Variants in DAZAP1 observed in about 807,000 individuals in gnomAD.
The protein encoded by DAZAP1 is DAZ-associated protein 1.
In DAZAP1, 6 loss-of-function variants were observed where a neutral mutation model predicts 60.1. The observed-to-expected ratio is 0.10, with a 90% CI of 0.05 to 0.20. The LOEUF (loss-of-function observed/expected upper bound fraction) is 0.20, where lower values mean the gene tolerates loss of function less well. Among genes scored for constraint, DAZAP1 ranks in the 10% least tolerant of loss-of-function variants. The pLI, the probability that DAZAP1 is intolerant of heterozygous loss-of-function variation, is 1.00. For missense variants in DAZAP1, 366 were observed against 560.4 expected (o/e 0.65, Z 3.50); for synonymous variants, 235 against 215.9 (o/e 1.09, Z -0.78).
intron 1 of DAZAP1, among the ~76,000 whole-genome samples, chr19:1,413,678 T>TGTCA (rs1473276365): frequency 2.6e-5 from 4 of 152,218 alleles, no homozygotes; most frequent in Non-Finnish European, 5.9e-5. Flanking sequence ...GCCTCACGCC[T>TGTCA]GTCATCCTAG....
At chr19:1,427,690 A>G (rs1169411447) in intron 7 of DAZAP1, 3 of 152,248 alleles carry the variant, frequency 2.0e-5, no homozygotes, top group African/African-American at 7.2e-5. Flanking sequence ...GTTCTTTGAA[A>G]TGGGTCCCTT....
In DAZAP1 at chr19:1,428,729, G is replaced by A; in HGVS notation, c.547-113G>A. On this transcript the variant is annotated intron_variant, in intron 7 of 11. Transcript: ENST00000233078. This position sits in a 1 kb window ranked among gnomAD's most constrained non-coding sequence, Gnocchi z 4.0. ...AATAAGGTTTATAGTTAAGTATTTA[G>A]TCTTAAGTTGTAAGATGCTAAGTGT... 7.9e-7 allele frequency: 1 copy of A among 1,270,380 alleles called. No homozygotes were observed. Among genetic ancestry groups the A allele is most frequent in the East Asian group, 2.4e-5 (1 of 41,564 alleles). 78.7% of individuals were successfully genotyped at this position (1,270,380 alleles called of 1,614,324 possible).
At chr19:1,412,945 A>T (rs1301059433) in intron 1 of DAZAP1, among the ~76,000 whole-genome samples, 5 of 152,082 alleles carry the variant, frequency 3.3e-5, no homozygotes, top group Admixed American at 6.5e-5. Context: ...ACTAATGAGA[A>T]CACCCCTTTT....
Position 1,421,131 on chromosome 19 carries a change from C to T in DAZAP1, c.304-17C>T. The T allele has an allele frequency of 6.2e-7, 1 of 1,610,946 alleles. No individual in the cohort carries two copies. The highest frequency in any genetic ancestry group is 8.5e-7 in the Non-Finnish European group (1 of 1,177,136). On this transcript the variant is annotated splice_polypyrimidine_tract_variant and intron_variant, in intron 4 of 11. Coordinates refer to ENST00000233078, the MANE Select transcript of DAZAP1 (RefSeq NM_018959.4). ...AGGGTTCCCGTGTGAACTAACTATC[C>T]TTCCCTTCTTCAACAGCAGAAAGGA...
chr19:1,415,478 A>G (rs1175198337), intron 1 of DAZAP1, among the ~76,000 whole-genome samples: 1 of 145,932 alleles, frequency 6.9e-6, no homozygotes, highest in Non-Finnish European at 1.5e-5. Context: ...GGTTCCAGCC[A>G]GGCTTGGGGG....
intron 4 of DAZAP1, among the ~76,000 whole-genome samples, chr19:1,419,626 T>C (rs939516570): frequency 2.0e-5 from 3 of 152,188 alleles, no homozygotes; most frequent in African/African-American, 7.2e-5. Flanking sequence ...TTTTTCAGAC[T>C]GGAATCCAAG....
Position 1,434,578 on chromosome 19 carries a change from T to TC in DAZAP1, c.1049-155dup. ...GGGAGAGAACATGCCCGGGGTCCTC[T>TC]CCCCGGCCCAGGTGCTGGCCTCAGA... On this transcript the variant is annotated intron_variant, in intron 11 of 11. Coordinates refer to ENST00000233078, the MANE Select transcript of DAZAP1 (RefSeq NM_018959.4). This position sits in a 1 kb window ranked among gnomAD's most constrained non-coding sequence, Gnocchi z 8.0. 1.5e-6 allele frequency: 1 copy of TC among 649,210 alleles called. No homozygotes were observed. Among genetic ancestry groups the TC allele is most frequent in the Non-Finnish European group, 2.6e-6 (1 of 380,608 alleles). 40.2% of individuals were successfully genotyped at this position (649,210 alleles called of 1,614,324 possible).
Position 1,425,817 on chromosome 19 carries a change from C to T in DAZAP1, c.464-61C>T. On this transcript the variant is annotated intron_variant, in intron 6 of 11. Transcript: ENST00000233078. This position sits in a 1 kb window ranked among gnomAD's most constrained non-coding sequence, Gnocchi z 5.4. ...CCCTCGGCCCGTCCCTAATACTGTT[C>T]ATCATCCTGTTTTGTGTCACAACAC... The T allele has an allele frequency of 2.6e-6, 3 of 1,162,352 alleles. No homozygotes were observed. The highest frequency in any genetic ancestry group is 3.9e-6 in the Non-Finnish European group (3 of 768,458). 72.0% of individuals were successfully genotyped at this position (1,162,352 alleles called of 1,614,324 possible).
intron 2 of DAZAP1, among the ~76,000 whole-genome samples, chr19:1,417,979 G>T (rs116856251): frequency 2.0e-5 from 3 of 152,306 alleles, no homozygotes; most frequent in South Asian, 2.1e-4. Flanking sequence ...GGTTGTAACC[G>T]CTGGCCACTG....
rs2083352674 is a variant in DAZAP1 at position 1,428,232 on chromosome 19, TAGATGTAATGTA to T, written c.547-605_547-594del. On this transcript the variant is annotated intron_variant, in intron 7 of 11. Coordinates refer to ENST00000233078, the MANE Select transcript of DAZAP1 (RefSeq NM_018959.4). The surrounding 1 kb of genome is among the most constrained non-coding windows in gnomAD (Gnocchi z 4.0). ...ATTGCATGTTTGTTACTTTTTTTGT[TAGATGTAATGTA>T]AGATTCTCTTATCACATCCATTCCC... 6.6e-6 allele frequency: 1 copy of T among 152,304 alleles called. No individual in the cohort carries two copies. Among genetic ancestry groups the T allele is most frequent in the South Asian group, 2.1e-4 (1 of 4,842 alleles). The allele number at this position is 152,304 out of a possible 1,614,324, so 9.4% of individuals were successfully genotyped here.
Position 1,425,985 on chromosome 19 carries a change from C to T in DAZAP1, c.546+25C>T, listed in dbSNP as rs1177456710. ...AGTGTGTAGTTGTAGTTTTATTTTA[C>T]CTTAAGACCAAACCAAGTCTTAGGC... is the stretch of plus-strand genomic sequence containing the variant. On this transcript the variant is annotated intron_variant, in intron 7 of 11. Coordinates refer to ENST00000233078, the MANE Select transcript of DAZAP1 (RefSeq NM_018959.4). The surrounding 1 kb of genome is among the most constrained non-coding windows in gnomAD (Gnocchi z 5.4). The T allele has an allele frequency of 2.6e-6, 4 of 1,529,304 alleles. No homozygotes were observed. Among genetic ancestry groups the T allele is most frequent in the African/African-American group, 1.4e-5 (1 of 73,108 alleles). 94.7% of individuals were successfully genotyped at this position (1,529,304 alleles called of 1,614,324 possible).
chr19:1,409,127 C>T (rs2082752217), intron 1 of DAZAP1, among the ~76,000 whole-genome samples: 1 of 152,236 alleles, frequency 6.6e-6, no homozygotes, highest in South Asian at 2.1e-4. Flanking sequence ...AGCACTTAGC[C>T]CCTGCCTAGC....
intron 1 of DAZAP1, among the ~76,000 whole-genome samples, chr19:1,411,895 C>G (rs960597526): frequency 6.6e-6 from 1 of 152,238 alleles, no homozygotes; most frequent in African/African-American, 2.4e-5. Flanking sequence ...TGAACTGAGG[C>G]CTTTTCCCAT....
In DAZAP1 at chr19:1,407,984, T is replaced by TG. The variant is rs569758582; in HGVS notation, c.29+189dup. On this transcript the variant is annotated intron_variant, in intron 1 of 11. Transcript: ENST00000233078. ...GGGCCCTGGACGGGTGCCCGGGGTC[T>TG]GGGGGGGTCCTGGCGCCCCCGCCGC... Among the ~76,000 whole-genome samples the TG allele has an allele frequency of 2.4e-3, 359 of 149,706 alleles. 2 individuals are homozygous for TG. Among genetic ancestry groups the TG allele is most frequent in the African/African-American group, 8.1e-3 (328 of 40,714 alleles).
intron 1 of DAZAP1, among the ~76,000 whole-genome samples, chr19:1,413,702 C>T (rs552974820): frequency 3.8e-4 from 58 of 152,256 alleles, no homozygotes; most frequent in Non-Finnish European, 5.9e-4. Context: ...TTTGGGAGGC[C>T]GAGGCGGGCG....
At position 1,434,062 on chromosome 19, in the gene DAZAP1, G is replaced by C. The variant is rs1189570704; in HGVS notation, c.1049-675G>C. On this transcript the variant is annotated intron_variant, in intron 11 of 11. Coordinates refer to ENST00000233078, the MANE Select transcript of DAZAP1 (RefSeq NM_018959.4). The surrounding 1 kb of genome is among the most constrained non-coding windows in gnomAD (Gnocchi z 8.0). ...ATGGGAACCCAGAGGTCGTGGGAGGGGCTTCCTGCAAGGTGTGCAGCGGGG... is the reference window on the plus strand; with the variant it reads ...ATGGGAACCCAGAGGTCGTGGGAGGCGCTTCCTGCAAGGTGTGCAGCGGGG... 5.3e-6 allele frequency: 3 copies of C among 567,312 alleles called. No individual in the cohort carries two copies. The highest frequency in any genetic ancestry group is 2.1e-5 in the South Asian group (1 of 48,188). The allele number at this position is 567,312 out of a possible 1,614,324, so 35.1% of individuals were successfully genotyped here.
rs2144941503 is a variant in DAZAP1 at position 1,432,904 on chromosome 19, A to G, written c.1048+214A>G. The G allele has an allele frequency of 1.7e-6, 1 of 575,694 alleles. No individual in the cohort carries two copies. Among genetic ancestry groups the G allele is most frequent in the South Asian group, 2.2e-5 (1 of 45,210 alleles). 35.7% of individuals were successfully genotyped at this position (575,694 alleles called of 1,614,324 possible). ...CGTGGGAGTCTTGTCGCAGCAGAGC[A>G]CTCGTCATACAGCAGGTGCTGCAGG... is the stretch of plus-strand genomic sequence containing the variant. On this transcript the variant is annotated intron_variant, in intron 11 of 11. Transcript: ENST00000233078. This position sits in a 1 kb window ranked among gnomAD's most constrained non-coding sequence, Gnocchi z 4.9.
Position 1,430,254 on chromosome 19 carries a change from G to GGCCCCC in DAZAP1, c.763_764insGCCCCC (p.Ala255delinsGlyProPro). On this transcript the variant is annotated protein_altering_variant, in exon 10 of 12. Transcript: ENST00000233078. ...TGGACCGCCCCCTGCAGGAAGAGGA[G>GGCCCCC]CCCCCCCGCCACCCCCACCGTTCAC... is the stretch of plus-strand genomic sequence containing the variant. The GGCCCCC allele has an allele frequency of 2.2e-5, 29 of 1,295,210 alleles. No individual in the cohort carries two copies. The highest frequency in any genetic ancestry group is 3.0e-5 in the African/African-American group (2 of 67,694). 80.2% of individuals were successfully genotyped at this position (1,295,210 alleles called of 1,614,324 possible). A position where few individuals can be genotyped will look rare whatever the true frequency, so the allele number is the denominator to read the frequency against.
In DAZAP1 at chr19:1,429,000, G is replaced by A. The variant is rs769505472; in HGVS notation, c.700+5G>A. ...AGCAAGGATATGGCCCGCAAGGTAA[G>A]GCTGATGCAGAGGTGCCCACGGGAA... On this transcript the variant is annotated splice_donor_5th_base_variant and intron_variant, in intron 8 of 11. Coordinates refer to ENST00000233078, the MANE Select transcript of DAZAP1 (RefSeq NM_018959.4). The surrounding 1 kb of genome is among the most constrained non-coding windows in gnomAD (Gnocchi z 4.0). The A allele has an allele frequency of 2.5e-6, 4 of 1,580,496 alleles. No individual in the cohort carries two copies. In the South Asian group the frequency reaches 4.6e-5, roughly 18 times the overall value.
Sources: allele counts gnomAD v4.1 joint callset (sites outside exome capture counted in the v4.1 genomes callset), GRCh38; gene constraint gnomAD v4.1.1; non-coding constraint Gnocchi (gnomAD v3.1); transcripts MANE v1.5; gene names NCBI Gene and HGNC (gene_info 2026-07-23, HGNC 2026-07-21).